The following NOCT variants were observed in gnomAD, a reference collection of about 807,000 sequenced individuals.
NOCT encodes the protein nocturnin, also known as CCR4 carbon catabolite repression 4-like.
In NOCT, 18 loss-of-function variants were observed where a neutral mutation model predicts 35.0. The observed-to-expected ratio is 0.51, with a 90% CI of 0.36 to 0.76. The LOEUF (loss-of-function observed/expected upper bound fraction) is 0.76. Ranked by LOEUF, NOCT falls within the 30% of genes least tolerant of loss-of-function variation. The pLI is 0.01. For synonymous variants in NOCT, 235 were observed against 226.3 expected, an observed-to-expected ratio of 1.04 and a Z score of -0.34; for missense variants, 479 against 541.0, an observed-to-expected ratio of 0.89 and a Z score of 1.14.
Position 139,044,870 on chromosome 4 carries a change from A to G in NOCT, c.692A>G (p.Asn231Ser), listed in dbSNP as rs1726903523. 1.9e-6 allele frequency: 3 copies of G among 1,614,154 alleles called. No homozygotes were observed. The highest frequency in any genetic ancestry group is 1.3e-5 in the African/African-American group (1 of 75,034). The change falls in exon 3 of 3, where the codon AAT becomes AGT. Residue 231 changes from asparagine (N) to serine (S), a missense_variant. Asn to Ser is a conservative substitution (Grantham distance 46). Transcript: ENST00000280614. ...CCTTGTCTAGATGTAGAACACAACA[A>G]TGGACCAGATGGTTGTGCCTTATTT... ...WSPCLDVEHN[N>S]GPDGCALFFL...
intron 1 of NOCT, among the ~76,000 whole-genome samples, chr4:139,031,710 GGTTTTGTTTT>G (rs1040670434): frequency 6.6e-6 from 1 of 151,870 alleles, no homozygotes; most frequent in Non-Finnish European, 1.5e-5. Flanking sequence ...CCCACTTGTG[GGTTTTGTTTT>G]GTTTTGTTTT....
chr4:139,043,425 T>A, intron 2 of NOCT, 82 bp downstream of exon 2: 3 of 1,378,464 alleles, frequency 2.2e-6, no homozygotes, highest in South Asian at 1.3e-5. Context: ...GTGCACTGTT[T>A]TATGTGGAAG....
chr4:139,016,814 T>C (rs974843499), intron 1 of NOCT, among the ~76,000 whole-genome samples: 5 of 151,338 alleles, frequency 3.3e-5, no homozygotes, highest in African/African-American at 1.2e-4. Context: ...TCACCACGCC[T>C]AGCTAACTTT....
intron 1 of NOCT, among the ~76,000 whole-genome samples, chr4:139,019,689 T>TCCAAACTC (rs1726375047): frequency 1.3e-5 from 2 of 152,170 alleles, no homozygotes; most frequent in Non-Finnish European, 2.9e-5. Context: ...TTTGGAGTTA[T>TCCAAACTC]CAGATTCCAG....
At chr4:139,044,590 A>C in intron 2 of NOCT, 49 bp from the exon 3 acceptor site, 2 of 1,222,880 alleles carry the variant, frequency 1.6e-6, no homozygotes, top group Non-Finnish European at 2.4e-6. Flanking sequence ...GGGTACTTTG[A>C]AGTCACGGTT....
chr4:139,020,020 T>G (rs1560728515), intron 1 of NOCT, among the ~76,000 whole-genome samples: 1 of 152,228 alleles, frequency 6.6e-6, no homozygotes, highest in African/African-American at 2.4e-5. Context: ...AAACTGCTTA[T>G]GAGAGAGAAG....
chr4:139,024,484 T>C (rs1726477069), intron 1 of NOCT, among the ~76,000 whole-genome samples: 1 of 152,216 alleles, frequency 6.6e-6, no homozygotes, highest in Non-Finnish European at 1.5e-5. Context: ...GAAACCTGTT[T>C]TGTGTCTATA....
At chr4:139,040,303 G>C (rs1726813869) in intron 1 of NOCT, among the ~76,000 whole-genome samples, 1 of 151,770 alleles carries the variant, frequency 6.6e-6, no homozygotes, top group Admixed American at 6.6e-5. Context: ...GCCTCCCAAA[G>C]TGCTGGGATT....
chr4:139,023,981 C>G (rs764612528), intron 1 of NOCT, among the ~76,000 whole-genome samples: 5 of 151,096 alleles, frequency 3.3e-5, no homozygotes, highest in Non-Finnish European at 4.4e-5. Flanking sequence ...GTCTCTTGTT[C>G]TCATGTTCTT....
chr4:139,033,276 A>T (rs1206179127), intron 1 of NOCT, among the ~76,000 whole-genome samples: 1 of 151,882 alleles, frequency 6.6e-6, no homozygotes, highest in African/African-American at 2.4e-5. Context: ...AGGCAGGAGA[A>T]TTGCTTGAAC....
At chr4:139,042,421 C>G (rs1175817979) in intron 1 of NOCT, among the ~76,000 whole-genome samples, 3 of 152,010 alleles carry the variant, frequency 2.0e-5, no homozygotes, top group African/African-American at 7.3e-5. Flanking sequence ...TTTTGTTAAG[C>G]CTTGCTCTTT....
intron 1 of NOCT, among the ~76,000 whole-genome samples, chr4:139,042,770 C>T (rs1376996772): frequency 6.6e-6 from 1 of 152,106 alleles, no homozygotes; most frequent in African/African-American, 2.4e-5. Flanking sequence ...ACAAAATTAG[C>T]AGCGGGTAGA....
chr4:139,038,462 A>G (rs1726773479), intron 1 of NOCT, among the ~76,000 whole-genome samples: 1 of 152,130 alleles, frequency 6.6e-6, no homozygotes, highest in African/African-American at 2.4e-5. Flanking sequence ...AACTGGCTTT[A>G]ACAAGAATGT....
At chr4:139,040,493 AGT>A (rs1726817443) in intron 1 of NOCT, among the ~76,000 whole-genome samples, 1 of 152,152 alleles carries the variant, frequency 6.6e-6, no homozygotes, top group African/African-American at 2.4e-5. Flanking sequence ...TTTAGAAGGA[AGT>A]GTGGTTCAGG....
chr4:139,026,881 T>C (rs1427176248), intron 1 of NOCT, among the ~76,000 whole-genome samples: 1,237 of 2,110 alleles, frequency 0.59, 402 homozygotes, highest in Admixed American at 0.61. Flanking sequence ...TTTTTTTTTT[T>C]TTTTTTTTTT....
intron 2 of NOCT, 156 bp downstream of exon 2, chr4:139,043,499 CAG>C (rs1013402066): frequency 4.8e-5 from 31 of 639,256 alleles, no homozygotes; most frequent in East Asian, 3.5e-4. Context: ...GAGGTTAAGA[CAG>C]GGAATCATCT....
chr4:139,024,720 T>C (rs1347377625), intron 1 of NOCT, among the ~76,000 whole-genome samples: 6 of 152,174 alleles, frequency 3.9e-5, no homozygotes, highest in Non-Finnish European at 4.4e-5. Context: ...GCCTCCCAAG[T>C]AGCTGGGACC....
Position 139,045,252 on chromosome 4 carries a change from A to ACC in NOCT, c.1078_1079dup (p.Tyr361HisfsTer27). On this transcript the variant is annotated frameshift_variant, in exon 3 of 3. Transcript: ENST00000280614. LOFTEE classifies it high-confidence loss of function. Reference sequence around the variant, plus strand: ...TGCTGAGTGCTGATGGGCAGTCAGAACCCCCATACACTACCTGGAAGATCC... The same window carrying ACC: ...TGCTGAGTGCTGATGGGCAGTCAGAACCCCCCCATACACTACCTGGAAGATCC... 4 of 1,613,950 alleles carry ACC rather than the reference A, an allele frequency of 2.5e-6. No individual in the cohort carries two copies. Among genetic ancestry groups the ACC allele is most frequent in the Non-Finnish European group, 3.4e-6 (4 of 1,179,978 alleles).
chr4:139,042,124 A>G (rs964031947), intron 1 of NOCT, among the ~76,000 whole-genome samples: 6 of 138,910 alleles, frequency 4.3e-5, no homozygotes, highest in Non-Finnish European at 7.5e-5. Context: ...CTGGAGCTCA[A>G]TAGAGTCACC....
Sources: gnomAD v4.1 joint callset for allele counts (sites outside exome capture counted in the v4.1 genomes callset) on GRCh38, gnomAD v4.1.1 for gene constraint, MANE v1.5 for transcripts, NCBI Gene and HGNC (gene_info 2026-07-23, HGNC 2026-07-21) for gene names.